The following ANKMY2 variants were observed in gnomAD, a reference collection of about 807,000 sequenced individuals.
The protein encoded by ANKMY2 is ankyrin repeat and MYND domain containing 2, also known as ankyrin repeat and MYND domain-containing protein 2.
In ANKMY2, 36 loss-of-function variants were observed where a neutral mutation model predicts 50.4. The ratio of observed to expected loss-of-function variants is 0.71; its 90% CI spans 0.55 to 0.94. The LOEUF (loss-of-function observed/expected upper bound fraction) is 0.94, where lower values mean the gene tolerates loss of function less well. Ranked by LOEUF, ANKMY2 falls within the 40% of genes least tolerant of loss-of-function variation. The probability of loss-of-function intolerance (pLI) is 0.00; values close to 1 mark genes in which losing one functional copy is unlikely to be tolerated. For missense variants in ANKMY2, 565 were observed against 524.0 expected (o/e 1.08, Z -0.76); for synonymous variants, 187 against 178.8 (o/e 1.05, Z -0.36).
chr7:16,642,325 G>A (rs1388496882), intron 1 of ANKMY2, among the ~76,000 whole-genome samples: 5 of 152,138 alleles, frequency 3.3e-5, no homozygotes, highest in Non-Finnish European at 5.9e-5. Flanking sequence ...AGTCATATAA[G>A]CCAGTTAAAC....
Position 16,610,612 on chromosome 7 carries a change from A to G in ANKMY2, c.683T>C (p.Ile228Thr), listed in dbSNP as rs1781232811. 6.2e-7 allele frequency: 1 copy of G among 1,613,988 alleles called. No homozygotes were observed. Among genetic ancestry groups the G allele is most frequent in the Non-Finnish European group, 8.5e-7 (1 of 1,179,914 alleles). Residue 228 changes from isoleucine (I) to threonine (T), a missense_variant, in exon 6 of 10, where the codon ATC becomes ACC. Transcript: ENST00000306999. ...TAAGAAGTTAATGCATTTCTGAAAG[A>G]TACAGCTTATGTAATGCATCTTCAT... The part of the protein sequence containing the change: ...LAMKMHYISC[I>T]FQKCINFLKD...
At chr7:16,628,908 TAAACAAAACAAAACAAAACA>T (rs59359472) in intron 2 of ANKMY2, among the ~76,000 whole-genome samples, 1,533 of 128,030 alleles carry the variant, frequency 0.012, 31 homozygotes, top group African/African-American at 0.038. Flanking sequence ...GCCTCTAGTT[TAAACAAAACAAAACAAAACA>T]AAACAAAACA....
At chr7:16,622,110 G>A (rs1239184936) in intron 4 of ANKMY2, among the ~76,000 whole-genome samples, 2 of 130,230 alleles carry the variant, frequency 1.5e-5, no homozygotes, top group African/African-American at 7.5e-5. Flanking sequence ...GAAGAAGAAG[G>A]AGGAGGAGGA....
chr7:16,607,743 A>G (rs1221213396), intron 7 of ANKMY2, among the ~76,000 whole-genome samples: 3 of 150,956 alleles, frequency 2.0e-5, no homozygotes, highest in East Asian at 3.9e-4. Context: ...CAGGAAGGTA[A>G]AAGGTCAGCA....
At chr7:16,636,524 G>T in intron 1 of ANKMY2, 69 bp from the exon 2 acceptor site, 2 of 1,274,418 alleles carry the variant, frequency 1.6e-6, no homozygotes, top group Non-Finnish European at 2.2e-6. Flanking sequence ...CTAACATCAA[G>T]GAAATAAACC....
intron 2 of ANKMY2, among the ~76,000 whole-genome samples, chr7:16,633,473 T>A (rs1338388123): frequency 6.6e-6 from 1 of 152,152 alleles, no homozygotes; most frequent in Non-Finnish European, 1.5e-5. Flanking sequence ...AAGCTTTTGA[T>A]AAATGTTGTA....
Position 16,624,994 on chromosome 7 carries a change from G to A in ANKMY2, c.359C>T (p.Ala120Val). Residue 120 changes from alanine to valine, a missense_variant, in exon 4 of 10, where the codon GCA becomes GTA. Physicochemically the swap from Ala to Val is moderately conservative, Grantham distance 64 (BLOSUM62 0). Transcript: ENST00000306999. Reference sequence around the variant, plus strand: ...CAGCAAAATCTCACCCACAAAGGCTGCCATCTGAGCTGCTGTTCTTCCCAC... The same window carrying A: ...CAGCAAAATCTCACCCACAAAGGCTACCATCTGAGCTGCTGTTCTTCCCAC... ...NSVGRTAAQM[A>V]AFVGQHDCVT... 1 of 1,613,622 alleles carries A rather than the reference G, an allele frequency of 6.2e-7. No individual in the cohort carries two copies. Among genetic ancestry groups the A allele is most frequent in the Non-Finnish European group, 8.5e-7 (1 of 1,179,726 alleles).
chr7:16,606,825 C>T (rs371996174), intron 7 of ANKMY2, among the ~76,000 whole-genome samples: 1 of 152,140 alleles, frequency 6.6e-6, no homozygotes, highest in African/African-American at 2.4e-5. Flanking sequence ...TTCTTGAATA[C>T]AAATAATAAT....
chr7:16,639,029 A>T (rs1306529917), intron 1 of ANKMY2, among the ~76,000 whole-genome samples: 1 of 152,238 alleles, frequency 6.6e-6, no homozygotes, highest in East Asian at 1.9e-4. Flanking sequence ...AATCTGAAAC[A>T]GATTGGGCTT....
chr7:16,613,450 G>A (rs1393787647), intron 5 of ANKMY2, among the ~76,000 whole-genome samples: 2 of 152,062 alleles, frequency 1.3e-5, no homozygotes, highest in Non-Finnish European at 2.9e-5. Context: ...TCCCAAGGGT[G>A]GATAAAAGAA....
intron 5 of ANKMY2, among the ~76,000 whole-genome samples, chr7:16,615,404 C>T (rs1781328083): frequency 6.6e-6 from 1 of 152,134 alleles, no homozygotes; most frequent in African/African-American, 2.4e-5. Flanking sequence ...AGACAGGCCC[C>T]ACCCAACAAC....
rs560497097 is a variant in ANKMY2 at position 16,641,748 on chromosome 7, G to A, written c.67+3759C>T. 3.7e-4 allele frequency among the ~76,000 whole-genome samples: 57 copies of A among 152,152 alleles called. 1 individual carries two copies. The South Asian group carries it at 0.012, about 31-fold the overall frequency. Reference sequence around the variant, plus strand: ...TACTATTGGTACACATAATAAATATGAACCCCAAAATCATAATGTTGAATG... The same window carrying A: ...TACTATTGGTACACATAATAAATATAAACCCCAAAATCATAATGTTGAATG... On this transcript the variant is annotated intron_variant, in intron 1 of 9. Coordinates refer to ENST00000306999, the MANE Select transcript of ANKMY2 (RefSeq NM_020319.3).
At chr7:16,614,645 G>GAGTC (rs765245915) in intron 5 of ANKMY2, among the ~76,000 whole-genome samples, 67 of 152,326 alleles carry the variant, frequency 4.4e-4, no homozygotes, top group South Asian at 8.3e-4. Context: ...GTCTTCAGAA[G>GAGTC]AGTCACCTTA....
At position 16,609,689 on chromosome 7, in the gene ANKMY2, G is replaced by A; in HGVS notation, c.823C>T (p.Pro275Ser). The change falls in exon 7 of 10, where the codon CCT (proline) becomes TCT (serine). Residue 275 changes from proline to serine, a missense_variant. Physicochemically the swap from Pro to Ser is moderately conservative, Grantham distance 74. Coordinates refer to ENST00000306999, the MANE Select transcript of ANKMY2 (RefSeq NM_020319.3). ...TGGAGGAGTGTAGCTTCACAGTAAG[G>A]AAATTTTCTGATACTTTCTCTAATG... ...KIIRESIRKF[P>S]YCEATLLQQL... 1 of 1,612,842 alleles carries A rather than the reference G, an allele frequency of 6.2e-7. No individual in the cohort carries two copies. The highest frequency in any genetic ancestry group is 1.6e-4 in the Middle Eastern group (1 of 6,062).
chr7:16,644,378 G>C (rs1389939414), intron 1 of ANKMY2, among the ~76,000 whole-genome samples: 1 of 152,198 alleles, frequency 6.6e-6, no homozygotes, highest in East Asian at 1.9e-4. Flanking sequence ...GGTGGGCTCA[G>C]CTCATCAGCA....
Position 16,627,038 on chromosome 7 carries a change from AC to A in ANKMY2, c.271+1del. On this transcript the variant is annotated splice_donor_variant, in intron 3 of 9. Transcript: ENST00000306999. LOFTEE classifies it high-confidence loss of function. The stretch of plus-strand genomic sequence containing the variant: ...TTATATTTATAAATACTAAAACTTC[AC>A]CAGAAAGTGCAGCAAACATGAGGGC... 6.3e-7 allele frequency: 1 copy of A among 1,594,416 alleles called. No individual in the cohort carries two copies. Among genetic ancestry groups the A allele is most frequent in the East Asian group, 2.3e-5 (1 of 44,196 alleles).
chr7:16,612,989 A>G (rs144666429), intron 5 of ANKMY2, among the ~76,000 whole-genome samples: 7 of 152,278 alleles, frequency 4.6e-5, no homozygotes, highest in African/African-American at 1.4e-4. Context: ...TATTTTTTAA[A>G]TCCTATTTTT....
rs768646683 is a variant in ANKMY2 at position 16,615,863 on chromosome 7, G to C, written c.412C>G (p.Arg138Gly). The stretch of plus-strand genomic sequence containing the variant: ...TTAGTGTAATAATCCAGTCTCTCTC[G>C]AGGAAAGAAATTGTTGATTATGGTC... ...CVTIINNFFP[R>G]ERLDYYTKPQ... is the part of the protein sequence containing the mutation. The change falls in exon 5 of 10, where the codon CGA (arginine) becomes GGA (glycine). Residue 138 changes from arginine to glycine, a missense_variant. Coordinates refer to ENST00000306999, the MANE Select transcript of ANKMY2 (RefSeq NM_020319.3). 1.2e-6 allele frequency: 2 copies of C among 1,613,908 alleles called. No individual in the cohort carries two copies. The highest frequency in any genetic ancestry group is 1.7e-6 in the Non-Finnish European group (2 of 1,179,950).
At chr7:16,617,424 G>T (rs62443198) in intron 4 of ANKMY2, among the ~76,000 whole-genome samples, 3 of 152,022 alleles carry the variant, frequency 2.0e-5, no homozygotes, top group African/African-American at 7.2e-5. Context: ...AACAAGGTAC[G>T]TATGGGGATC....
Sources: gnomAD v4.1 joint callset for allele counts (sites outside exome capture counted in the v4.1 genomes callset) on GRCh38, gnomAD v4.1.1 for gene constraint, MANE v1.5 for transcripts, NCBI Gene and HGNC (gene_info 2026-07-23, HGNC 2026-07-21) for gene names.